The following SLC44A5 variants were observed in gnomAD, a reference collection of about 807,000 sequenced individuals.
SLC44A5 encodes solute carrier family 44 member 5.
In SLC44A5, 57 loss-of-function variants were observed where a neutral mutation model predicts 101.8. The ratio of observed to expected loss-of-function variants is 0.56; its 90% CI spans 0.45 to 0.70. SLC44A5 has a LOEUF of 0.70. Among genes scored for constraint, SLC44A5 ranks in the 30% least tolerant of loss-of-function variants. The pLI is 0.00. For synonymous variants in SLC44A5, 281 were observed against 290.9 expected (o/e 0.97, Z 0.35); for missense variants, 737 against 853.1 (o/e 0.86, Z 1.70).
chr1:75,707,989 G>A, the SLC44A5 span, among the ~76,000 whole-genome samples: 1 of 152,054 alleles, frequency 6.6e-6, no homozygotes, highest in African/African-American at 2.4e-5. Context: ...CATGTAGTTG[G>A]CACATAGTAA....
At chr1:75,219,213 A>G in intron 16 of SLC44A5, 44 bp downstream of exon 16, 1 of 1,276,158 alleles carries the variant, frequency 7.8e-7, no homozygotes, top group Non-Finnish European at 1.1e-6. Flanking sequence ...TTGCAGCAGA[A>G]GTCTATATTG....
chr1:75,266,159 G>C (rs1245139590), intron 6 of SLC44A5, among the ~76,000 whole-genome samples: 1 of 152,086 alleles, frequency 6.6e-6, no homozygotes, highest in Non-Finnish European at 1.5e-5. Flanking sequence ...TGGACTTTAG[G>C]CTCGGTTATT....
intron 5 of SLC44A5, among the ~76,000 whole-genome samples, chr1:75,298,959 T>C (rs1654205436): frequency 6.6e-6 from 1 of 152,140 alleles, no homozygotes; most frequent in Non-Finnish European, 1.5e-5. Flanking sequence ...GTTGAGTAAG[T>C]AACCCAAGAC....
At chr1:75,510,941 G>C (rs1304894257) in intron 2 of SLC44A5, among the ~76,000 whole-genome samples, 1 of 152,180 alleles carries the variant, frequency 6.6e-6, no homozygotes, top group Non-Finnish European at 1.5e-5. Context: ...AGGAGATCGA[G>C]ACCATCCTGG....
At chr1:75,669,545 A>T in the SLC44A5 span, among the ~76,000 whole-genome samples, 1 of 152,242 alleles carries the variant, frequency 6.6e-6, no homozygotes, top group Admixed American at 6.5e-5. Context: ...GGTAGCCGAG[A>T]TTGATAAGGA....
In SLC44A5 at chr1:75,270,604, C is replaced by T. The variant is rs183249138; in HGVS notation, c.260+4354G>A. The stretch of plus-strand genomic sequence containing the variant: ...ATATTGGAGAATGTTATTTTCAGGG[C>T]GAGGAAGGCAATGATAACCCAGACC... On this transcript the variant is annotated intron_variant, in intron 6 of 23. Transcript: ENST00000370859. Among the ~76,000 whole-genome samples, 58 of 151,886 alleles carry T rather than the reference C, an allele frequency of 3.8e-4. No homozygotes were observed. The South Asian group carries it at 8.3e-3, about 22-fold the overall frequency.
rs747319597 is a variant in SLC44A5 at position 75,213,753 on chromosome 1, C to T, written c.1914G>A (p.Val638=). ...AFLFFTQRLP[V]IAQGPASLNY... is the part of the protein sequence containing the mutation. ...TTAAAGATGCTGGTCCTTGTGCAAT[C>T]ACTGGCAGTCTTTGTGTGAAGAATA... Residue 638 remains valine (V), a synonymous_variant, in exon 22 of 24, where the codon GTG becomes GTA. Coordinates refer to ENST00000370859, the MANE Select transcript of SLC44A5 (RefSeq NM_001130058.2). 1 of 1,613,186 alleles carries T rather than the reference C, an allele frequency of 6.2e-7. No individual in the cohort carries two copies. The highest frequency in any genetic ancestry group is 8.5e-7 in the Non-Finnish European group (1 of 1,179,364).
chr1:75,528,383 C>A (rs1349066430), intron 2 of SLC44A5, among the ~76,000 whole-genome samples: 1 of 152,094 alleles, frequency 6.6e-6, no homozygotes, highest in African/African-American at 2.4e-5. Context: ...AGGATGGTTT[C>A]TTAAAGAAAT....
Position 75,416,197 on chromosome 1 carries a change from G to T in SLC44A5, c.14-19576C>A, listed in dbSNP as rs148290043. Among the ~76,000 whole-genome samples the T allele has an allele frequency of 7.4e-4, 112 of 152,274 alleles. 1 individual carries two copies. The highest frequency in any genetic ancestry group is 2.5e-3 in the African/African-American group (105 of 41,556). On this transcript the variant is annotated intron_variant, in intron 2 of 23. Transcript: ENST00000370859. ...AGTTGTTTCATGGGCTACACCCAGGGTCTCCCTACTGTGTGCAGCCTAGGG... is the reference window on the plus strand; with the variant it reads ...AGTTGTTTCATGGGCTACACCCAGGTTCTCCCTACTGTGTGCAGCCTAGGG...
At chr1:75,485,690 C>T (rs142402889) in intron 2 of SLC44A5, among the ~76,000 whole-genome samples, 1 of 152,252 alleles carries the variant, frequency 6.6e-6, no homozygotes, top group East Asian at 1.9e-4. Context: ...CCAATTTTTC[C>T]ATATTAGTCC....
the SLC44A5 span, among the ~76,000 whole-genome samples, chr1:75,682,516 A>C: frequency 6.6e-6 from 1 of 152,114 alleles, no homozygotes; most frequent in African/African-American, 2.4e-5. Flanking sequence ...AGGATTCCCT[A>C]TTTAATAAAT....
At chr1:75,509,256 G>C (rs574807059) in intron 2 of SLC44A5, among the ~76,000 whole-genome samples, 6 of 152,332 alleles carry the variant, frequency 3.9e-5, no homozygotes, top group Non-Finnish European at 8.8e-5. Context: ...CTGAAAGCTT[G>C]AGTTTGGGAT....
chr1:75,233,360 C>G (rs554462680), intron 12 of SLC44A5, among the ~76,000 whole-genome samples: 1 of 152,094 alleles, frequency 6.6e-6, no homozygotes, highest in Non-Finnish European at 1.5e-5. Flanking sequence ...GTCGTCAACC[C>G]TTCCACGTTC....
At chr1:75,407,444 T>C (rs987170013) in intron 2 of SLC44A5, among the ~76,000 whole-genome samples, 4 of 152,164 alleles carry the variant, frequency 2.6e-5, no homozygotes, top group Admixed American at 6.5e-5. Context: ...GGCATCACGC[T>C]ACCTGACTTC....
At chr1:75,298,773 T>A (rs578163410) in intron 5 of SLC44A5, among the ~76,000 whole-genome samples, 129 of 152,298 alleles carry the variant, frequency 8.5e-4, no homozygotes, top group African/African-American at 3.1e-3. Flanking sequence ...TAAATTATAT[T>A]GAAAAGAAAT....
At chr1:75,464,535 C>A (rs879849455) in intron 2 of SLC44A5, among the ~76,000 whole-genome samples, 12 of 151,858 alleles carry the variant, frequency 7.9e-5, no homozygotes, top group Non-Finnish European at 1.6e-4. Flanking sequence ...AACAAAATGA[C>A]AGAAGTCCTT....
intron 4 of SLC44A5, among the ~76,000 whole-genome samples, chr1:75,307,694 C>T (rs1166440889): frequency 6.6e-6 from 1 of 152,094 alleles, no homozygotes; most frequent in East Asian, 1.9e-4. Context: ...TAATTGTATC[C>T]ACCCCCTTGG....
the SLC44A5 span, among the ~76,000 whole-genome samples, chr1:75,639,910 T>C: frequency 6.6e-6 from 1 of 152,036 alleles, no homozygotes; most frequent in African/African-American, 2.4e-5. Flanking sequence ...GAATTGCCCT[T>C]GTCACATCTG....
At chr1:75,433,876 G>A (rs1213021851) in intron 2 of SLC44A5, among the ~76,000 whole-genome samples, 1 of 152,162 alleles carries the variant, frequency 6.6e-6, no homozygotes, top group Middle Eastern at 3.4e-3. Flanking sequence ...GAAGAGTAAG[G>A]GAAGTCTTAC....
Sources: gnomAD v4.1 joint callset for allele counts (sites outside exome capture counted in the v4.1 genomes callset) on GRCh38, gnomAD v4.1.1 for gene constraint, MANE v1.5 for transcripts, NCBI Gene and HGNC (gene_info 2026-07-23, HGNC 2026-07-21) for gene names.